The following GRAMD1B variants were observed in gnomAD, a reference collection of about 807,000 sequenced individuals.
GRAMD1B encodes the protein GRAM domain containing 1B.
Under a neutral mutation model 99.7 loss-of-function variants are expected in GRAMD1B, and 37 were observed. The ratio of observed to expected loss-of-function variants is 0.37; its 90% confidence interval spans 0.29 to 0.49. GRAMD1B has a LOEUF of 0.49. GRAMD1B is among the 20% of genes least tolerant of loss of function. GRAMD1B has a pLI of 0.98. For missense variants in GRAMD1B, 888 were observed against 1,009.2 expected (o/e 0.88, Z 1.63); for synonymous variants, 427 against 387.6 (o/e 1.10, Z -1.19).
At chr11:123,514,440 C>T (rs544831952) in intron 2 of GRAMD1B, among the ~76,000 whole-genome samples, 14 of 152,282 alleles carry the variant, frequency 9.2e-5, no homozygotes, top group South Asian at 2.1e-4. Context: ...ACCATCAATA[C>T]GCTGGGATTG....
In GRAMD1B at chr11:123,539,325, A is replaced by C. The variant is rs147066321; in HGVS notation, c.453-38042A>C. Among the ~76,000 whole-genome samples the C allele has an allele frequency of 4.0e-3, 608 of 152,232 alleles. 10 individuals carry two copies. Among genetic ancestry groups the C allele is most frequent in the African/African-American group, 0.014 (579 of 41,540 alleles). ...TTCTTCAACACCTGAATTTGGGTTA[A>C]ATGTGGTGGCTCACGCCTGTAATCT... is the stretch of plus-strand genomic sequence containing the variant. On this transcript the variant is annotated intron_variant, in intron 2 of 19. Transcript: ENST00000635736.
At chr11:123,562,203 A>T (rs983827331) in intron 2 of GRAMD1B, among the ~76,000 whole-genome samples, 4 of 152,108 alleles carry the variant, frequency 2.6e-5, no homozygotes, top group Non-Finnish European at 5.9e-5. Context: ...TAATTTTTTT[A>T]AAAGCCTAAG....
chr11:123,433,515 G>A (rs1591520878), intron 1 of GRAMD1B, among the ~76,000 whole-genome samples: 1 of 152,156 alleles, frequency 6.6e-6, no homozygotes. Context: ...AAAAAGAGCC[G>A]GGTGCAATGG....
chr11:123,425,141 A>C (rs1384235027), intron 1 of GRAMD1B, among the ~76,000 whole-genome samples: 1 of 152,242 alleles, frequency 6.6e-6, no homozygotes, highest in Non-Finnish European at 1.5e-5. Flanking sequence ...CAGAGAAGTT[A>C]AATAACTTAA....
chr11:123,619,006 G>A (rs1325368665), intron 18 of GRAMD1B, 101 bp from the exon 19 acceptor site: 3 of 721,648 alleles, frequency 4.2e-6, no homozygotes, highest in Non-Finnish European at 7.1e-6. Flanking sequence ...AGAGGACAAA[G>A]CACTCTGATG....
chr11:123,406,308 C>T (rs997503849), intron 1 of GRAMD1B, among the ~76,000 whole-genome samples: 8 of 150,914 alleles, frequency 5.3e-5, no homozygotes, highest in African/African-American at 1.7e-4. Flanking sequence ...GGCTGGAGTG[C>T]AGTGGCACGA....
chr11:123,562,024 G>A (rs1946828522), intron 2 of GRAMD1B, among the ~76,000 whole-genome samples: 1 of 152,136 alleles, frequency 6.6e-6, no homozygotes, highest in African/African-American at 2.4e-5. Flanking sequence ...CTTGTGGAAA[G>A]AATGAAGGAA....
intron 2 of GRAMD1B, chr11:123,525,884 G>A: frequency 1.9e-6 from 1 of 532,146 alleles, no homozygotes; most frequent in Non-Finnish European, 3.4e-6. Flanking sequence ...GCTCGGGCAG[G>A]CGGCTCCAGC....
chr11:123,415,465 G>A (rs1313436202), intron 1 of GRAMD1B, among the ~76,000 whole-genome samples: 1 of 151,570 alleles, frequency 6.6e-6, no homozygotes, highest in Non-Finnish European at 1.5e-5. Context: ...GTCTTGTGGT[G>A]ACATTGCTAT....
At chr11:123,505,673 G>A (rs113768809) in intron 2 of GRAMD1B, among the ~76,000 whole-genome samples, 75 of 152,292 alleles carry the variant, frequency 4.9e-4, no homozygotes, top group African/African-American at 1.6e-3. Flanking sequence ...TTCACAGATG[G>A]TGGCTGAGTG....
At chr11:123,437,557 T>C (rs1356419829) in intron 1 of GRAMD1B, among the ~76,000 whole-genome samples, 1 of 152,156 alleles carries the variant, frequency 6.6e-6, no homozygotes, top group Admixed American at 6.5e-5. Flanking sequence ...GGCTGTTATG[T>C]CCCTTCTTCT....
rs984978638 is a variant in GRAMD1B at position 123,574,091 on chromosome 11, A to AAAG, written c.453-3270_453-3268dup. ...TGAACAGAATTAAAAAAAAAAAAAA[A>AAAG]AAGAAGAAAGAGCAGGACTCCAGCA... On this transcript the variant is annotated intron_variant, in intron 2 of 19. Coordinates refer to ENST00000635736, the MANE Select transcript of GRAMD1B (RefSeq NM_001387025.1). Among the ~76,000 whole-genome samples the AAAG allele has an allele frequency of 6.4e-3, 974 of 151,764 alleles. 4 individuals carry two copies. The highest frequency in any genetic ancestry group is 0.022 in the African/African-American group (919 of 41,294).
intron 1 of GRAMD1B, among the ~76,000 whole-genome samples, chr11:123,363,859 G>C (rs1946230370): frequency 6.6e-6 from 1 of 152,198 alleles, no homozygotes; most frequent in Admixed American, 6.5e-5. Context: ...TATTGGCTTA[G>C]ACACGGACTT....
Position 123,610,219 on chromosome 11 carries a change from G to A in GRAMD1B, c.1800G>A (p.Glu600=), listed in dbSNP as rs1953353247. 1 of 1,613,860 alleles carries A rather than the reference G, an allele frequency of 6.2e-7. No homozygotes were observed. Among genetic ancestry groups the A allele is most frequent in the African/African-American group, 1.3e-5 (1 of 74,914 alleles). The change falls in exon 14 of 20, where the codon GAG becomes GAA. Residue 600 remains glutamate (E), a synonymous_variant. Coordinates refer to ENST00000635736, the MANE Select transcript of GRAMD1B (RefSeq NM_001387025.1). This position sits in a 1 kb window ranked among gnomAD's most constrained non-coding sequence, Gnocchi z 4.1. ...ETQTMYKASQ[E]SECYVIDAEV... ...AGACCATGTACAAGGCGAGCCAGGAGAGTGAATGTTACGTGATAGATGCCG... is the reference window on the plus strand; with the variant it reads ...AGACCATGTACAAGGCGAGCCAGGAAAGTGAATGTTACGTGATAGATGCCG...
intron 2 of GRAMD1B, among the ~76,000 whole-genome samples, chr11:123,521,788 G>A (rs757292481): frequency 1.3e-5 from 2 of 152,206 alleles, no homozygotes; most frequent in Non-Finnish European, 2.9e-5. Context: ...CACTTTATGA[G>A]GTAGTTGCCT....
intron 1 of GRAMD1B, among the ~76,000 whole-genome samples, chr11:123,476,391 G>C (rs994585666): frequency 4.6e-5 from 7 of 152,114 alleles, no homozygotes; most frequent in Non-Finnish European, 1.0e-4. Flanking sequence ...GTGAGCCACC[G>C]CACCCGGCCC....
At chr11:123,542,267 A>T (rs1049056084) in intron 2 of GRAMD1B, among the ~76,000 whole-genome samples, 16 of 152,260 alleles carry the variant, frequency 1.1e-4, no homozygotes, top group Admixed American at 1.0e-3. Context: ...ATCCCTGAGG[A>T]TAATGTAAGA....
At chr11:123,549,521 G>C (rs1468854018) in intron 2 of GRAMD1B, among the ~76,000 whole-genome samples, 1 of 151,862 alleles carries the variant, frequency 6.6e-6, no homozygotes, top group African/African-American at 2.4e-5. Flanking sequence ...CAGTCTAGGC[G>C]ACAGAGTGAG....
chr11:123,619,652 A>C (rs1954875599), intron 19 of GRAMD1B: 1 of 287,450 alleles, frequency 3.5e-6, no homozygotes, highest in South Asian at 1.3e-4. Flanking sequence ...CACTGCACTG[A>C]TAGTCTGGGA....
Sources: gnomAD v4.1 joint callset for allele counts (sites outside exome capture counted in the v4.1 genomes callset) on GRCh38, gnomAD v4.1.1 for gene constraint, Gnocchi (gnomAD v3.1) non-coding constraint, MANE v1.5 for transcripts, NCBI Gene and HGNC (gene_info 2026-07-23, HGNC 2026-07-21) for gene names.